The following LGI1 variants were observed in gnomAD, a reference collection of about 807,000 sequenced individuals.
LGI1 encodes leucine rich glioma inactivated 1.
LGI1 carries 11 observed loss-of-function variants against 57.7 expected under a neutral mutation model. The observed-to-expected ratio is 0.19, with a 90% CI of 0.12 to 0.32. The LOEUF is 0.32. LGI1 is among the 10% of genes least tolerant of loss of function. The pLI is 1.00. For missense variants in LGI1, 422 were observed against 661.9 expected, an observed-to-expected ratio of 0.64 and a Z score of 3.98; for synonymous variants, 222 against 241.9, an observed-to-expected ratio of 0.92 and a Z score of 0.76.
At chr10:93,775,499 G>C (rs1181995423) in intron 2 of LGI1, among the ~76,000 whole-genome samples, 1 of 152,202 alleles carries the variant, frequency 6.6e-6, no homozygotes, top group Non-Finnish European at 1.5e-5. Context: ...CCTGCTGTAA[G>C]AAATATTTAA....
chr10:93,768,002 C>T (rs1226661817), intron 2 of LGI1: 1 of 152,122 alleles, frequency 6.6e-6, no homozygotes, highest in Non-Finnish European at 1.5e-5. Flanking sequence ...GTCGCATTGT[C>T]AATGAGACCA....
chr10:93,767,797 C>T (rs1410405417), intron 2 of LGI1: 1 of 152,150 alleles, frequency 6.6e-6, no homozygotes, highest in Non-Finnish European at 1.5e-5. Context: ...CAGTAGATCT[C>T]CATCTTTGGG....
chr10:93,776,846 C>T (rs2059799042), intron 2 of LGI1: 1 of 163,052 alleles, frequency 6.1e-6, no homozygotes. Context: ...TCATGTTTCC[C>T]ATTTTCAGTC....
intron 2 of LGI1, 165 bp from the exon 3 acceptor site, chr10:93,777,214 G>A (rs2059802955): frequency 1.4e-6 from 1 of 690,220 alleles, no homozygotes; most frequent in South Asian, 1.7e-5. Flanking sequence ...ATGATTAGGA[G>A]TAAAAAAATG....
intron 7 of LGI1, among the ~76,000 whole-genome samples, chr10:93,796,659 T>G (rs1178598791): frequency 2.0e-5 from 3 of 152,258 alleles, no homozygotes; most frequent in African/African-American, 7.2e-5. Context: ...TCAGGGAAAC[T>G]AATGCTTTCT....
chr10:93,789,567 T>C (rs575347436), intron 4 of LGI1: 2 of 158,360 alleles, frequency 1.3e-5, no homozygotes, highest in African/African-American at 4.8e-5. Flanking sequence ...CCAGGAATCA[T>C]TGTTGTTTTT....
rs371902732 is a variant in LGI1 at position 93,758,753 on chromosome 10, C to T, written c.216-7C>T. On this transcript the variant is annotated splice_region_variant and splice_polypyrimidine_tract_variant and intron_variant, in intron 1 of 7. Coordinates refer to ENST00000371418, the MANE Select transcript of LGI1 (RefSeq NM_005097.4). This position sits in a 1 kb window ranked among gnomAD's most constrained non-coding sequence, Gnocchi z 4.7. Reference sequence around the variant, plus strand: ...TTGTTTGTTTTCTCTTTTTTGTTTTCTTTCAGATCCTTTGTGAGATCTGGT... The same window carrying T: ...TTGTTTGTTTTCTCTTTTTTGTTTTTTTTCAGATCCTTTGTGAGATCTGGT... The T allele has an allele frequency of 6.2e-7, 1 of 1,606,706 alleles. No homozygotes were observed. Among genetic ancestry groups the T allele is most frequent in the South Asian group, 1.1e-5 (1 of 90,924 alleles).
At chr10:93,795,686 C>T (rs1013038542) in intron 7 of LGI1, among the ~76,000 whole-genome samples, 12 of 152,194 alleles carry the variant, frequency 7.9e-5, no homozygotes, top group African/African-American at 2.9e-4. Context: ...AGTGCAGACA[C>T]GGCCACAGAA....
intron 5 of LGI1, chr10:93,790,403 G>A (rs920295132): frequency 3.7e-6 from 2 of 535,592 alleles, no homozygotes; most frequent in Non-Finnish European, 6.5e-6. Flanking sequence ...CTTTGACAAA[G>A]TGTGTGTCAA....
At chr10:93,759,202 G>T (rs143670463) in intron 2 of LGI1, 1 of 267,646 alleles carries the variant, frequency 3.7e-6, no homozygotes, top group Non-Finnish European at 7.2e-6. Context: ...TAACATATGC[G>T]CTCAAGATGT....
intron 2 of LGI1, among the ~76,000 whole-genome samples, chr10:93,760,870 G>A (rs146466972): frequency 1.4e-3 from 213 of 152,250 alleles, no homozygotes; most frequent in African/African-American, 4.8e-3. Context: ...CAAAAGGCGA[G>A]TAATTCTCTC....
intron 2 of LGI1, among the ~76,000 whole-genome samples, chr10:93,774,698 C>T (rs987695518): frequency 1.4e-4 from 22 of 152,260 alleles, no homozygotes; most frequent in Non-Finnish European, 2.4e-4. Context: ...GTGTAGAACA[C>T]GGCCACCCTG....
chr10:93,795,261 C>T (rs536486880), intron 7 of LGI1, among the ~76,000 whole-genome samples: 4 of 152,192 alleles, frequency 2.6e-5, no homozygotes, highest in African/African-American at 7.2e-5. Context: ...ACCTTGACTG[C>T]GTAATTTATA....
At chr10:93,773,489 A>G (rs1156781746) in intron 2 of LGI1, among the ~76,000 whole-genome samples, 1 of 152,226 alleles carries the variant, frequency 6.6e-6, no homozygotes, top group African/African-American at 2.4e-5. Flanking sequence ...TAAAGACCAA[A>G]TAAGAAAATC....
Position 93,758,243 on chromosome 10 carries a change from G to A in LGI1, c.99G>A (p.Glu33=). Residue 33 remains glutamate (E), a synonymous_variant, in exon 1 of 8, where the codon GAG becomes GAA. Coordinates refer to ENST00000371418, the MANE Select transcript of LGI1 (RefSeq NM_005097.4). The surrounding 1 kb of genome is among the most constrained non-coding windows in gnomAD (Gnocchi z 4.7). ...TCTTATCTGCGCTTTTGCTGACTGAGGGGAAGAAACCAGCGAAGCCAAAAT... is the reference window on the plus strand; with the variant it reads ...TCTTATCTGCGCTTTTGCTGACTGAAGGGAAGAAACCAGCGAAGCCAAAAT... ...LCLLSALLLT[E]GKKPAKPKCP... is the part of the protein sequence containing the mutation. The A allele has an allele frequency of 1.2e-6, 2 of 1,614,166 alleles. No individual in the cohort carries two copies. The highest frequency in any genetic ancestry group is 8.5e-7 in the Non-Finnish European group (1 of 1,180,022).
intron 2 of LGI1, chr10:93,768,965 A>G (rs1240767591): frequency 6.6e-6 from 1 of 152,216 alleles, no homozygotes; most frequent in Non-Finnish European, 1.5e-5. Flanking sequence ...CAAGGTTGAG[A>G]GTCAAAAAGA....
At chr10:93,789,077 G>A (rs995784550) in intron 4 of LGI1, 4 of 152,046 alleles carry the variant, frequency 2.6e-5, no homozygotes, top group African/African-American at 9.7e-5. Flanking sequence ...CCCTTTCCTT[G>A]ACATTATCAG....
intron 2 of LGI1, chr10:93,772,689 T>C (rs1281853012): frequency 6.6e-6 from 1 of 152,174 alleles, no homozygotes; most frequent in Admixed American, 6.5e-5. Context: ...TTGGGTAGTA[T>C]GATTATGGTG....
At chr10:93,773,166 A>G (rs1157700539) in intron 2 of LGI1, among the ~76,000 whole-genome samples, 1 of 151,962 alleles carries the variant, frequency 6.6e-6, no homozygotes, top group African/African-American at 2.4e-5. Flanking sequence ...ACACAGATTG[A>G]TATTATCTGG....
Sources: gnomAD v4.1 joint callset for allele counts (sites outside exome capture counted in the v4.1 genomes callset) on GRCh38, gnomAD v4.1.1 for gene constraint, Gnocchi (gnomAD v3.1) non-coding constraint, MANE v1.5 for transcripts, NCBI Gene and HGNC (gene_info 2026-07-23, HGNC 2026-07-21) for gene names.